PRKG1: variants seen among roughly 807,000 people sequenced by gnomAD.
PRKG1 encodes cGMP-dependent protein kinase 1.
A neutral mutation model predicts 88.1 loss-of-function variants in PRKG1; 35 were observed. The ratio of observed to expected loss-of-function variants is 0.40; its 90% CI spans 0.30 to 0.53. PRKG1 has a LOEUF of 0.53. Ranked by LOEUF, PRKG1 falls within the 20% of genes least tolerant of loss-of-function variation. The pLI is 0.59. For synonymous variants in PRKG1, 303 were observed against 292.5 expected (o/e 1.04, Z -0.37); for missense variants, 540 against 839.8 (o/e 0.64, Z 4.41).
chr10:51,937,070 T>G (rs906453830), intron 5 of PRKG1, among the ~76,000 whole-genome samples: 1 of 151,962 alleles, frequency 6.6e-6, no homozygotes, highest in Non-Finnish European at 1.5e-5. Flanking sequence ...AAATTTAGCT[T>G]TACACTCTAG....
At chr10:51,742,962 A>AG (rs1837471879) in intron 3 of PRKG1, among the ~76,000 whole-genome samples, 1 of 152,086 alleles carries the variant, frequency 6.6e-6, no homozygotes. Flanking sequence ...ACAGGTTGAT[A>AG]GGTGTAGCAA....
intron 8 of PRKG1, among the ~76,000 whole-genome samples, chr10:52,144,298 A>ATAGTAAATAAATATCC (rs972588581): frequency 6.6e-6 from 1 of 152,238 alleles, no homozygotes; most frequent in African/African-American, 2.4e-5. Context: ...ATGGGGATAG[A>ATAGTAAATAAATATCC]TAGTAAATAA....
At chr10:52,009,096 G>C (rs1156365179) in intron 5 of PRKG1, among the ~76,000 whole-genome samples, 3 of 151,926 alleles carry the variant, frequency 2.0e-5, no homozygotes, top group Admixed American at 2.0e-4. Flanking sequence ...AAGCTGAAAG[G>C]ATTCCCTTGA....
intron 5 of PRKG1, among the ~76,000 whole-genome samples, chr10:51,961,197 T>C (rs932249914): frequency 3.3e-5 from 5 of 152,092 alleles, no homozygotes; most frequent in Admixed American, 1.3e-4. Context: ...GGGGGGAGGA[T>C]TGGTTTCAGG....
intron 3 of PRKG1, among the ~76,000 whole-genome samples, chr10:51,625,899 T>TTAA (rs1277058020): frequency 3.0e-4 from 46 of 152,206 alleles, no homozygotes; most frequent in Admixed American, 3.0e-3. Context: ...GTTACACTTC[T>TTAA]CCCCATGTAT....
intron 3 of PRKG1, among the ~76,000 whole-genome samples, chr10:51,693,742 CAT>C (rs1307924140): frequency 1.3e-5 from 2 of 152,050 alleles, no homozygotes; most frequent in South Asian, 2.1e-4. Flanking sequence ...CCTCAAATGA[CAT>C]GTTATATATT....
At chr10:51,537,693 A>G (rs1187718552) in intron 3 of PRKG1, among the ~76,000 whole-genome samples, 1 of 142,998 alleles carries the variant, frequency 7.0e-6, no homozygotes, top group Non-Finnish European at 1.5e-5. Flanking sequence ...GCACCGCTGT[A>G]CTCTAGCCTA....
intron 4 of PRKG1, among the ~76,000 whole-genome samples, chr10:51,844,509 T>C (rs1394206410): frequency 2.0e-5 from 3 of 152,166 alleles, no homozygotes; most frequent in Non-Finnish European, 4.4e-5. Context: ...ATTATACTTA[T>C]AGTGGTAATT....
intron 1 of PRKG1, among the ~76,000 whole-genome samples, chr10:51,131,879 G>A (rs201499867): frequency 6.6e-6 from 1 of 152,026 alleles, no homozygotes; most frequent in East Asian, 1.9e-4. Flanking sequence ...TTTTTTGGAG[G>A]GGTGGGGATG....
chr10:51,146,040 A>G (rs149063481), intron 1 of PRKG1, among the ~76,000 whole-genome samples: 198 of 152,052 alleles, frequency 1.3e-3, no homozygotes, highest in African/African-American at 4.6e-3. Flanking sequence ...AACAAAAAAA[A>G]CAGCCAGGCA....
chr10:52,270,591 A>G (rs1841697820), intron 10 of PRKG1, among the ~76,000 whole-genome samples: 2 of 151,952 alleles, frequency 1.3e-5, no homozygotes, highest in South Asian at 4.2e-4. Flanking sequence ...GAAGCTGGAA[A>G]CCATCATTCT....
intron 9 of PRKG1, among the ~76,000 whole-genome samples, chr10:52,244,110 T>C (rs949459765): frequency 6.6e-6 from 1 of 152,106 alleles, no homozygotes; most frequent in African/African-American, 2.4e-5. Flanking sequence ...CTTCCACTGC[T>C]AAAAGGATGG....
At chr10:52,037,682 A>G (rs12783986) in intron 5 of PRKG1, among the ~76,000 whole-genome samples, 28,407 of 152,160 alleles carry the variant, frequency 0.19, 3,062 homozygotes, top group Admixed American at 0.29. Context: ...ATTGCTGGGC[A>G]GGAGGGGGAG....
intron 1 of PRKG1, among the ~76,000 whole-genome samples, chr10:51,017,880 G>A (rs2132731001): frequency 6.6e-6 from 1 of 152,034 alleles, no homozygotes; most frequent in South Asian, 2.1e-4. Context: ...GCTCACTGCA[G>A]CCTTGACCCC....
At chr10:52,081,762 T>G (rs1310964371) in intron 7 of PRKG1, 2 of 448,280 alleles carry the variant, frequency 4.5e-6, no homozygotes, top group Non-Finnish European at 9.0e-6. Flanking sequence ...TTTGCAATTT[T>G]AAGTAGGGTG....
At chr10:51,418,121 C>T (rs965341377) in intron 2 of PRKG1, among the ~76,000 whole-genome samples, 7 of 152,166 alleles carry the variant, frequency 4.6e-5, no homozygotes, top group Non-Finnish European at 7.4e-5. Context: ...GATAAAAGAA[C>T]AGGAGAAAGC....
chr10:51,316,168 T>G (rs1018447103), intron 2 of PRKG1, among the ~76,000 whole-genome samples: 1 of 152,216 alleles, frequency 6.6e-6, no homozygotes, highest in African/African-American at 2.4e-5. Context: ...AGAGATTCTC[T>G]TTAAGAATTT....
At chr10:51,282,628 A>C (rs1323681991) in intron 2 of PRKG1, among the ~76,000 whole-genome samples, 2 of 152,224 alleles carry the variant, frequency 1.3e-5, no homozygotes, top group African/African-American at 4.8e-5. Flanking sequence ...AGTTTTAAAC[A>C]GCAAAATTTA....
chr10:51,812,567 C>A (rs1839483750), intron 4 of PRKG1, among the ~76,000 whole-genome samples: 1 of 152,128 alleles, frequency 6.6e-6, no homozygotes, highest in African/African-American at 2.4e-5. Flanking sequence ...TGGCAGCAGA[C>A]CACCAACGAG....
Sources: gnomAD v4.1 joint callset for allele counts (sites outside exome capture counted in the v4.1 genomes callset) on GRCh38, gnomAD v4.1.1 for gene constraint, MANE v1.5 for transcripts, NCBI Gene and HGNC (gene_info 2026-07-23, HGNC 2026-07-21) for gene names.